The following PBX3 variants were observed in gnomAD, a reference collection of about 807,000 sequenced individuals.
The protein encoded by PBX3 is pre-B-cell leukemia transcription factor 3.
Under a neutral mutation model 48.5 loss-of-function variants are expected in PBX3, and 14 were observed. That is an observed-to-expected ratio of 0.29 (90% CI 0.19 to 0.45). PBX3 has a LOEUF of 0.45. Ranked by LOEUF, PBX3 falls within the 20% of genes least tolerant of loss-of-function variation. The probability of loss-of-function intolerance (pLI) is 1.00; values close to 1 mark genes in which losing one functional copy is unlikely to be tolerated. For synonymous variants in PBX3, 210 were observed against 200.3 expected, an observed-to-expected ratio of 1.05 and a Z score of -0.41; for missense variants, 386 against 546.7, an observed-to-expected ratio of 0.71 and a Z score of 2.93.
At chr9:125,910,939 T>C (rs1339641033) in intron 2 of PBX3, among the ~76,000 whole-genome samples, 2 of 152,046 alleles carry the variant, frequency 1.3e-5, no homozygotes, top group East Asian at 3.9e-4. Flanking sequence ...AGTGTTGATA[T>C]CATTCTGTTG....
At chr9:125,772,014 G>A (rs541715000) in intron 2 of PBX3, among the ~76,000 whole-genome samples, 2 of 152,138 alleles carry the variant, frequency 1.3e-5, no homozygotes, top group Non-Finnish European at 2.9e-5. Context: ...GGGGTGGGAG[G>A]TAGGTAGGTG....
chr9:125,946,093 G>T (rs115600788), intron 5 of PBX3, among the ~76,000 whole-genome samples: 14 of 152,238 alleles, frequency 9.2e-5, no homozygotes, highest in Admixed American at 3.9e-4. Context: ...CTTTGCTTTG[G>T]GTTAGGACTT....
At chr9:125,749,026 C>G (rs184417221) in intron 2 of PBX3, 1 of 187,508 alleles carries the variant, frequency 5.3e-6, no homozygotes, top group African/African-American at 2.3e-5. Flanking sequence ...TTTACTTAGA[C>G]AGTCTTAAGC....
intron 5 of PBX3, among the ~76,000 whole-genome samples, chr9:125,937,511 G>T (rs1841865642): frequency 6.6e-6 from 1 of 152,108 alleles, no homozygotes; most frequent in Admixed American, 6.6e-5. Flanking sequence ...TGTCTAAAAA[G>T]CAAACTTTCT....
At chr9:125,833,385 G>A (rs970506421) in intron 2 of PBX3, among the ~76,000 whole-genome samples, 1 of 152,020 alleles carries the variant, frequency 6.6e-6, no homozygotes, top group Non-Finnish European at 1.5e-5. Context: ...TTGGGAGGCT[G>A]AGGCAGGAGG....
intron 2 of PBX3, among the ~76,000 whole-genome samples, chr9:125,781,203 A>G (rs567687624): frequency 1.3e-5 from 2 of 150,636 alleles, no homozygotes; most frequent in Non-Finnish European, 2.9e-5. Flanking sequence ...AGCTGAGATC[A>G]CACCACTGCA....
At chr9:125,913,460 A>T (rs951078701) in intron 2 of PBX3, among the ~76,000 whole-genome samples, 1 of 152,148 alleles carries the variant, frequency 6.6e-6, no homozygotes, top group Non-Finnish European at 1.5e-5. Flanking sequence ...TGGTACAATA[A>T]TGATGGTTTA....
intron 5 of PBX3, among the ~76,000 whole-genome samples, chr9:125,946,567 C>T (rs949125189): frequency 2.6e-5 from 4 of 152,008 alleles, no homozygotes; most frequent in African/African-American, 9.7e-5. Flanking sequence ...ATGTTAGAAT[C>T]AAAATTAAGA....
intron 4 of PBX3, among the ~76,000 whole-genome samples, chr9:125,932,110 C>G (rs1841730389): frequency 6.6e-6 from 1 of 152,168 alleles, no homozygotes; most frequent in Middle Eastern, 3.2e-3. Flanking sequence ...ACTTACTTCC[C>G]TGGCTCCCAC....
intron 2 of PBX3, among the ~76,000 whole-genome samples, chr9:125,883,944 C>T (rs542977974): frequency 4.3e-4 from 66 of 152,222 alleles, no homozygotes; most frequent in Admixed American, 1.2e-3. Flanking sequence ...GTGATAGATT[C>T]GCCTGCCTGA....
chr9:125,925,422 A>G (rs1476392911), intron 3 of PBX3, among the ~76,000 whole-genome samples: 1 of 152,082 alleles, frequency 6.6e-6, no homozygotes, highest in Non-Finnish European at 1.5e-5. Context: ...GAAATACCTC[A>G]TTAACAGTTT....
At chr9:125,761,464 G>T (rs369673659) in intron 2 of PBX3, among the ~76,000 whole-genome samples, 2 of 151,976 alleles carry the variant, frequency 1.3e-5, no homozygotes, top group African/African-American at 4.8e-5. Flanking sequence ...ATAATATTTG[G>T]AATAGAGTAA....
intron 2 of PBX3, among the ~76,000 whole-genome samples, chr9:125,829,469 A>G (rs943601745): frequency 6.6e-6 from 1 of 152,182 alleles, no homozygotes; most frequent in Admixed American, 6.5e-5. Context: ...AAGAATTCTA[A>G]TATTAGGTGA....
chr9:125,918,977 T>G (rs1164907950), intron 3 of PBX3, among the ~76,000 whole-genome samples: 1 of 152,142 alleles, frequency 6.6e-6, no homozygotes, highest in Non-Finnish European at 1.5e-5. Context: ...AATTTCCATT[T>G]TATAGAGGAG....
intron 5 of PBX3, among the ~76,000 whole-genome samples, chr9:125,958,879 G>A (rs893202585): frequency 1.3e-5 from 2 of 152,208 alleles, no homozygotes; most frequent in African/African-American, 4.8e-5. Flanking sequence ...AAAACTCACT[G>A]TCTTCCTCTC....
At chr9:125,791,344 T>TATCTATCTATCC (rs1254333808) in intron 2 of PBX3, among the ~76,000 whole-genome samples, 1 of 151,940 alleles carries the variant, frequency 6.6e-6, no homozygotes, top group Non-Finnish European at 1.5e-5. Context: ...TCTATCTATC[T>TATCTATCTATCC]ATCTCTGTCA....
intron 2 of PBX3, among the ~76,000 whole-genome samples, chr9:125,768,221 T>A (rs1362972765): frequency 2.6e-5 from 4 of 152,212 alleles, no homozygotes; most frequent in Non-Finnish European, 4.4e-5. Flanking sequence ...AGAATTCTTT[T>A]AAGATACATG....
rs10987003 is a variant in PBX3 at position 125,880,140 on chromosome 9, G to T, written c.275-35546G>T. Reference sequence around the variant, plus strand: ...GCTCACTGCACCCTCCGCCTCCCGGGTTCAAGCAGTTCTCCTGCCTCAGCC... The same window carrying T: ...GCTCACTGCACCCTCCGCCTCCCGGTTTCAAGCAGTTCTCCTGCCTCAGCC... On this transcript the variant is annotated intron_variant, in intron 2 of 8. Transcript: ENST00000373489. Among the ~76,000 whole-genome samples the T allele has an allele frequency of 5.3e-5, 8 of 152,152 alleles. No individual in the cohort carries two copies. The South Asian group carries it at 1.4e-3, about 28-fold the overall frequency.
At chr9:125,932,339 A>G (rs1841736438) in intron 4 of PBX3, among the ~76,000 whole-genome samples, 1 of 151,558 alleles carries the variant, frequency 6.6e-6, no homozygotes, top group Non-Finnish European at 1.5e-5. Context: ...TACTATGTTT[A>G]CGCAACTATT....
Sources: gnomAD v4.1 joint callset for allele counts (sites outside exome capture counted in the v4.1 genomes callset) on GRCh38, gnomAD v4.1.1 for gene constraint, MANE v1.5 for transcripts, NCBI Gene and HGNC (gene_info 2026-07-23, HGNC 2026-07-21) for gene names.